SH3RF1: variants seen among roughly 807,000 people sequenced by gnomAD.
The protein encoded by SH3RF1 is SH3 domain containing ring finger 1, also known as E3 ubiquitin-protein ligase SH3RF1.
A neutral mutation model predicts 74.0 loss-of-function variants in SH3RF1; 32 were observed. The observed-to-expected ratio is 0.43, with a 90% confidence interval of 0.33 to 0.58. The LOEUF (loss-of-function observed/expected upper bound fraction) is 0.58, where lower values mean the gene tolerates loss of function less well. Among genes scored for constraint, SH3RF1 ranks in the 20% least tolerant of loss-of-function variants. The pLI is 0.05. For synonymous variants in SH3RF1, 396 were observed against 439.6 expected, an observed-to-expected ratio of 0.90 and a Z score of 1.24; for missense variants, 954 against 1,130.9, an observed-to-expected ratio of 0.84 and a Z score of 2.24.
At chr4:169,142,171 G>A (rs755567282) in intron 4 of SH3RF1, among the ~76,000 whole-genome samples, 14 of 151,590 alleles carry the variant, frequency 9.2e-5, no homozygotes, top group Non-Finnish European at 2.1e-4. Flanking sequence ...GGTCAGGCTG[G>A]CCTCAAACTC....
chr4:169,100,485 G>A (rs1369332843), intron 11 of SH3RF1, among the ~76,000 whole-genome samples: 1 of 152,124 alleles, frequency 6.6e-6, no homozygotes. Flanking sequence ...GGGATTACAG[G>A]TGTGTGCCAT....
intron 2 of SH3RF1, among the ~76,000 whole-genome samples, chr4:169,256,651 C>T (rs1238121908): frequency 1.3e-5 from 2 of 152,134 alleles, no homozygotes; most frequent in African/African-American, 4.8e-5. Context: ...GGCTGGAGTG[C>T]AGTGACAAGA....
At chr4:169,163,075 T>C (rs1280209896) in intron 2 of SH3RF1, among the ~76,000 whole-genome samples, 1 of 146,620 alleles carries the variant, frequency 6.8e-6, no homozygotes, top group African/African-American at 2.5e-5. Flanking sequence ...GGGGCATTAA[T>C]GGTTTCGGGG....
chr4:169,259,546 G>A (rs951930985), intron 2 of SH3RF1, among the ~76,000 whole-genome samples: 8 of 152,184 alleles, frequency 5.3e-5, no homozygotes, highest in East Asian at 1.9e-4. Context: ...GCAGAGCCAC[G>A]AAAAAGGGTG....
intron 10 of SH3RF1, among the ~76,000 whole-genome samples, chr4:169,108,633 G>T (rs1379038451): frequency 1.3e-5 from 2 of 152,156 alleles, no homozygotes; most frequent in African/African-American, 4.8e-5. Flanking sequence ...AACTCTCCCG[G>T]GTAGAGGAAG....
chr4:169,108,936 T>C (rs1733194970), intron 10 of SH3RF1, among the ~76,000 whole-genome samples: 1 of 152,152 alleles, frequency 6.6e-6, no homozygotes. Flanking sequence ...CCTAAGGAAA[T>C]AAAGGATATG....
At chr4:169,176,910 C>T (rs1019725896) in intron 2 of SH3RF1, among the ~76,000 whole-genome samples, 5 of 151,436 alleles carry the variant, frequency 3.3e-5, no homozygotes, top group Admixed American at 1.3e-4. Flanking sequence ...TGCATGTTAC[C>T]GTGCCTGGTT....
At chr4:169,219,839 C>A (rs979980901) in intron 2 of SH3RF1, among the ~76,000 whole-genome samples, 3 of 152,138 alleles carry the variant, frequency 2.0e-5, no homozygotes, top group African/African-American at 7.2e-5. Context: ...TTACATGTCG[C>A]CCTGTATGCA....
At chr4:169,199,487 A>G (rs1479806738) in intron 2 of SH3RF1, among the ~76,000 whole-genome samples, 2 of 152,184 alleles carry the variant, frequency 1.3e-5, no homozygotes, top group African/African-American at 4.8e-5. Context: ...GATGAGGTCC[A>G]AGCACTCCCT....
chr4:169,255,609 A>G (rs1247712247), intron 2 of SH3RF1, among the ~76,000 whole-genome samples: 1 of 133,684 alleles, frequency 7.5e-6, no homozygotes, highest in Non-Finnish European at 1.6e-5. Context: ...ACATACACAC[A>G]TACATACACA....
At chr4:169,162,545 C>T (rs569025735) in intron 2 of SH3RF1, among the ~76,000 whole-genome samples, 22 of 152,284 alleles carry the variant, frequency 1.4e-4, no homozygotes, top group African/African-American at 4.3e-4. Flanking sequence ...TTTTCTTAAT[C>T]TTCTACCTCC....
chr4:169,123,382 CG>C (rs1274581276), intron 6 of SH3RF1, among the ~76,000 whole-genome samples: 2 of 152,076 alleles, frequency 1.3e-5, no homozygotes, highest in Non-Finnish European at 2.9e-5. Flanking sequence ...TGTAACTATT[CG>C]ATGCATTATG....
chr4:169,241,044 C>A (rs1730900057), intron 2 of SH3RF1, among the ~76,000 whole-genome samples: 1 of 152,164 alleles, frequency 6.6e-6, no homozygotes, highest in Admixed American at 6.5e-5. Flanking sequence ...TCGTGGCTAA[C>A]ACAGTGAAAC....
At chr4:169,247,461 C>T (rs752675983) in intron 2 of SH3RF1, among the ~76,000 whole-genome samples, 3 of 152,116 alleles carry the variant, frequency 2.0e-5, no homozygotes, top group South Asian at 2.1e-4. Context: ...ACACGAGGCA[C>T]GTATGAAGGT....
intron 2 of SH3RF1, among the ~76,000 whole-genome samples, chr4:169,229,753 T>G (rs1730705258): frequency 6.6e-6 from 1 of 152,206 alleles, no homozygotes; most frequent in Admixed American, 6.5e-5. Context: ...CCAGCCCCAC[T>G]TTATGCTCCT....
Position 169,130,139 on chromosome 4 carries a change from G to A in SH3RF1, c.1086C>T (p.Thr362=), listed in dbSNP as rs767619111. The change falls in exon 6 of 12, where the codon ACC becomes ACT. Residue 362 remains threonine, a synonymous_variant. Transcript: ENST00000284637. The stretch of plus-strand genomic sequence containing the variant: ...TTGGGGGCGGGGTCACAATTAACCC[G>A]GTGGTACTTATATGAACCTGCCGAG... The part of the protein sequence containing the change: ...SAPSQVHIST[T]GLIVTPPPSS... 27 of 1,587,488 alleles carry A rather than the reference G, an allele frequency of 1.7e-5. No homozygotes were observed. Among genetic ancestry groups the A allele is most frequent in the Admixed American group, 1.1e-4 (6 of 53,030 alleles).
intron 2 of SH3RF1, among the ~76,000 whole-genome samples, chr4:169,205,381 A>G (rs551209169): frequency 6.6e-6 from 1 of 152,322 alleles, no homozygotes; most frequent in Non-Finnish European, 1.5e-5. Context: ...AAACTAATTT[A>G]TATTTTTGTA....
intron 11 of SH3RF1, among the ~76,000 whole-genome samples, chr4:169,104,269 G>A (rs1733094021): frequency 6.6e-6 from 1 of 152,164 alleles, no homozygotes; most frequent in Admixed American, 6.5e-5. Context: ...TGCCCTCAGG[G>A]CTTGAAGGAA....
At chr4:169,235,602 T>C (rs1285175185) in intron 2 of SH3RF1, among the ~76,000 whole-genome samples, 4 of 152,370 alleles carry the variant, frequency 2.6e-5, no homozygotes, top group South Asian at 2.1e-4. Flanking sequence ...TTCCGTGTTA[T>C]GCTACATTGC....
Sources: gnomAD v4.1 joint callset for allele counts (sites outside exome capture counted in the v4.1 genomes callset) on GRCh38, gnomAD v4.1.1 for gene constraint, MANE v1.5 for transcripts, NCBI Gene and HGNC (gene_info 2026-07-23, HGNC 2026-07-21) for gene names.